COG2: variants seen among roughly 807,000 people sequenced by gnomAD.
COG2 encodes the protein component of oligomeric golgi complex 2, also known as conserved oligomeric Golgi complex subunit 2.
Under a neutral mutation model 90.6 loss-of-function variants are expected in COG2, and 52 were observed. The observed-to-expected ratio is 0.57, with a 90% CI of 0.46 to 0.72. COG2 has a LOEUF of 0.72. Ranked by LOEUF, COG2 falls within the 30% of genes least tolerant of loss-of-function variation. COG2 has a pLI of 0.00. For missense variants in COG2, 829 were observed against 891.2 expected (o/e 0.93, Z 0.89); for synonymous variants, 337 against 320.4 (o/e 1.05, Z -0.55).
At chr1:230,673,727 G>A (rs1662515464) in intron 8 of COG2, among the ~76,000 whole-genome samples, 1 of 152,100 alleles carries the variant, frequency 6.6e-6, no homozygotes, top group African/African-American at 2.4e-5. Context: ...ATGGGAGGCA[G>A]TCATCTTCTT....
At chr1:230,653,096 A>T (rs1558268067) in intron 1 of COG2, among the ~76,000 whole-genome samples, 1 of 152,130 alleles carries the variant, frequency 6.6e-6, no homozygotes, top group Non-Finnish European at 1.5e-5. Flanking sequence ...AGAACTCCAG[A>T]ATTTATTTGT....
intron 7 of COG2, chr1:230,670,594 A>G (rs1375350612): frequency 6.6e-6 from 1 of 152,024 alleles, no homozygotes; most frequent in African/African-American, 2.4e-5. Context: ...TACATACATT[A>G]TTTCTTTGTC....
In COG2 at chr1:230,685,160, T is replaced by A; in HGVS notation, c.1304T>A (p.Phe435Tyr). ...AGGAGGTGTTGGTCAGATGAGATGT[T>A]CTTGCCATTACTGGTGCATCGCCTG... ...SLRRCWSDEM[F>Y]LPLLVHRLWR... Residue 435 changes from phenylalanine to tyrosine, a missense_variant, in exon 12 of 18, where the codon TTC (phenylalanine) becomes TAC (tyrosine). By Grantham distance (22) the Phe-to-Tyr change is conservative. Transcript: ENST00000366669. 2.5e-6 allele frequency: 4 copies of A among 1,614,224 alleles called. No homozygotes were observed. Among genetic ancestry groups the A allele is most frequent in the Non-Finnish European group, 3.4e-6 (4 of 1,180,036 alleles).
rs370219133 is a variant in COG2 at position 230,685,092 on chromosome 1, T to C, written c.1236T>C (p.Ser412=). The C allele has an allele frequency of 6.8e-6, 11 of 1,613,966 alleles. No individual in the cohort carries two copies. The highest frequency in any genetic ancestry group is 9.3e-6 in the Non-Finnish European group (11 of 1,179,972). The change falls in exon 12 of 18, where the codon AGT becomes AGC. Residue 412 remains serine, a synonymous_variant. Transcript: ENST00000366669. ...TDVLEDAPAE[S]PYCLLASHRT... is the part of the protein sequence containing the mutation. Reference sequence around the variant, plus strand: ...TTGTTGTTTTTTCTCTAGCTGAAAGTCCGTATTGCCTTTTGGCTTCTCATA... The same window carrying C: ...TTGTTGTTTTTTCTCTAGCTGAAAGCCCGTATTGCCTTTTGGCTTCTCATA...
intron 6 of COG2, chr1:230,669,096 A>G (rs1662387145): frequency 2.2e-6 from 1 of 456,482 alleles, no homozygotes; most frequent in Non-Finnish European, 3.8e-6. Flanking sequence ...TGTTTCCTCA[A>G]GATTGACTTC....
At chr1:230,648,195 A>G (rs1661835536) in intron 1 of COG2, among the ~76,000 whole-genome samples, 1 of 152,278 alleles carries the variant, frequency 6.6e-6, no homozygotes, top group South Asian at 2.1e-4. Context: ...ATTGAGGGCC[A>G]TCACTTAATT....
At chr1:230,644,163 A>T (rs1661699117) in intron 1 of COG2, among the ~76,000 whole-genome samples, 1 of 152,240 alleles carries the variant, frequency 6.6e-6, no homozygotes, top group Non-Finnish European at 1.5e-5. Flanking sequence ...AATAGAACTT[A>T]GAGTGCAAAC....
chr1:230,677,552 T>G (rs1662629755), intron 9 of COG2, among the ~76,000 whole-genome samples: 4 of 152,222 alleles, frequency 2.6e-5, no homozygotes, highest in Non-Finnish European at 5.9e-5. Flanking sequence ...AAGTAGGGCT[T>G]TTTAAATAAG....
intron 1 of COG2, among the ~76,000 whole-genome samples, chr1:230,658,489 C>T (rs1662114514): frequency 6.6e-6 from 1 of 152,138 alleles, no homozygotes; most frequent in Non-Finnish European, 1.5e-5. Context: ...TGTCTCTCAG[C>T]CCATACTGGG....
chr1:230,647,437 G>C (rs1661815030), intron 1 of COG2, among the ~76,000 whole-genome samples: 2 of 152,196 alleles, frequency 1.3e-5, no homozygotes. Flanking sequence ...GCAGTGACCT[G>C]GAGATGTGGG....
At chr1:230,689,023 A>T (rs1662959090) in intron 15 of COG2, among the ~76,000 whole-genome samples, 1 of 152,066 alleles carries the variant, frequency 6.6e-6, no homozygotes. Flanking sequence ...AGGGGGAAAA[A>T]AAACTACAAC....
chr1:230,683,014 A>G (rs947470235), intron 10 of COG2: 2 of 152,564 alleles, frequency 1.3e-5, no homozygotes, highest in African/African-American at 4.8e-5. Flanking sequence ...GCTGGTACAG[A>G]CAGCCGTAGA....
At chr1:230,662,205 C>G (rs1431461981) in intron 3 of COG2, among the ~76,000 whole-genome samples, 1 of 152,150 alleles carries the variant, frequency 6.6e-6, no homozygotes, top group Non-Finnish European at 1.5e-5. Context: ...GTCTCTATAG[C>G]CACCTTTTTC....
intron 9 of COG2, among the ~76,000 whole-genome samples, chr1:230,675,920 G>A (rs1279255013): frequency 6.6e-6 from 1 of 151,534 alleles, no homozygotes; most frequent in East Asian, 1.9e-4. Context: ...CTTCCAAAGT[G>A]CTAGGATTTC....
chr1:230,690,090 A>T lies in COG2; in HGVS notation c.1871A>T (p.Asp624Val). 1.2e-6 allele frequency: 2 copies of T among 1,613,646 alleles called. No individual in the cohort carries two copies. Among genetic ancestry groups the T allele is most frequent in the Non-Finnish European group, 1.7e-6 (2 of 1,179,776 alleles). Residue 624 changes from aspartate to valine, a missense_variant, in exon 16 of 18, where the codon GAT (aspartate) becomes GTT (valine). Asp to Val is a radical substitution (Grantham distance 152). Transcript: ENST00000366669. ...PLFQLQSGHK[D>V]KLKQAIIQQW... ...TTCCAGCTTCAGAGCGGACACAAGG[A>T]TAAGCTCAAACAAGCAATAATTCAG...
intron 12 of COG2, among the ~76,000 whole-genome samples, chr1:230,686,368 C>T (rs1335210880): frequency 6.6e-6 from 1 of 152,196 alleles, no homozygotes; most frequent in Non-Finnish European, 1.5e-5. Context: ...AGCATGCGTT[C>T]TTGCTAGCCA....
At chr1:230,646,613 T>C (rs1392124099) in intron 1 of COG2, among the ~76,000 whole-genome samples, 1 of 152,140 alleles carries the variant, frequency 6.6e-6, no homozygotes, top group Non-Finnish European at 1.5e-5. Context: ...TGCAACCCCA[T>C]GTGCACAGCG....
At chr1:230,647,612 A>G (rs1661820964) in intron 1 of COG2, among the ~76,000 whole-genome samples, 1 of 152,164 alleles carries the variant, frequency 6.6e-6, no homozygotes, top group Non-Finnish European at 1.5e-5. Context: ...AGAAACTTAC[A>G]GTTGCCCCTC....
chr1:230,657,006 G>C (rs2102747430), intron 1 of COG2, among the ~76,000 whole-genome samples: 1 of 152,196 alleles, frequency 6.6e-6, no homozygotes, highest in African/African-American at 2.4e-5. Flanking sequence ...CACACTGATG[G>C]GTCTTGACTC....
Sources: gnomAD v4.1 joint callset for allele counts (sites outside exome capture counted in the v4.1 genomes callset) on GRCh38, gnomAD v4.1.1 for gene constraint, MANE v1.5 for transcripts, NCBI Gene and HGNC (gene_info 2026-07-23, HGNC 2026-07-21) for gene names.